The following DLGAP2 variants were observed in gnomAD, a reference collection of about 807,000 sequenced individuals.
The protein encoded by DLGAP2 is disks large-associated protein 2.
A neutral mutation model predicts 100.3 loss-of-function variants in DLGAP2; 26 were observed. The observed-to-expected ratio is 0.26, with a 90% CI of 0.19 to 0.36. The LOEUF is 0.36. DLGAP2 is among the 10% of genes least tolerant of loss of function. DLGAP2 has a pLI of 1.00. For missense variants in DLGAP2, 1,858 were observed against 1,453.2 expected, an observed-to-expected ratio of 1.28 and a Z score of -4.53; for synonymous variants, 886 against 630.1, an observed-to-expected ratio of 1.41 and a Z score of -6.08.
At chr8:1,669,642 G>A (rs945786569) in intron 9 of DLGAP2, 101 bp from the exon 10 acceptor site, 6 of 769,888 alleles carry the variant, frequency 7.8e-6, no homozygotes, top group Admixed American at 1.7e-5. Context: ...CCCGTGCGGC[G>A]CTGGTAGCTA....
intron 2 of DLGAP2, among the ~76,000 whole-genome samples, chr8:1,013,422 A>G (rs555620224): frequency 2.6e-5 from 4 of 152,202 alleles, no homozygotes; most frequent in Non-Finnish European, 5.9e-5. Context: ...AGGGAGAAAG[A>G]TGGGAGGTGC....
chr8:896,402 G>A (rs1463142062), intron 1 of DLGAP2, among the ~76,000 whole-genome samples: 1 of 150,508 alleles, frequency 6.6e-6, no homozygotes, highest in Non-Finnish European at 1.5e-5. Flanking sequence ...TGCCGGGATG[G>A]TGTGACACCA....
At chr8:1,130,106 TTAAGGGATCGTGTCAGACACTTCACGC>T (rs1563207051) in intron 2 of DLGAP2, among the ~76,000 whole-genome samples, 4 of 147,992 alleles carry the variant, frequency 2.7e-5, no homozygotes, top group Non-Finnish European at 5.9e-5. Flanking sequence ...TTCACGCGAG[TTAAGGGATCGTGTCAGACACTTCACGC>T]GAGTTATATG....
chr8:1,059,727 G>C (rs1220114178), intron 2 of DLGAP2, among the ~76,000 whole-genome samples: 3 of 152,186 alleles, frequency 2.0e-5, no homozygotes, highest in Non-Finnish European at 4.4e-5. Context: ...GGAAGGCTGA[G>C]GGGCGTGAGG....
At chr8:1,345,123 A>G (rs144418547) in intron 3 of DLGAP2, among the ~76,000 whole-genome samples, 116 of 152,362 alleles carry the variant, frequency 7.6e-4, no homozygotes, top group Non-Finnish European at 1.3e-3. Context: ...TATAAATGAC[A>G]TAATTCGGTT....
Position 1,033,713 on chromosome 8 carries a change from C to G in DLGAP2, c.73+125747C>G, listed in dbSNP as rs558373406. Among the ~76,000 whole-genome samples, 635 of 150,950 alleles carry G rather than the reference C, an allele frequency of 4.2e-3. 3 individuals are homozygous for G. Among genetic ancestry groups the G allele is most frequent in the African/African-American group, 0.015 (603 of 40,966 alleles). The stretch of plus-strand genomic sequence containing the variant: ...CGCGAGTGGATTCACACGCTCATCC[C>G]GACCCCGCGTGTCACCGCGAGTGGG... On this transcript the variant is annotated intron_variant, in intron 2 of 14. Transcript: ENST00000637795.
At chr8:1,454,416 A>G (rs556429284) in intron 3 of DLGAP2, among the ~76,000 whole-genome samples, 1 of 151,882 alleles carries the variant, frequency 6.6e-6, no homozygotes, top group Non-Finnish European at 1.5e-5. Flanking sequence ...TTTGAGGGCA[A>G]GGGTGTTCCT....
intron 3 of DLGAP2, among the ~76,000 whole-genome samples, chr8:1,267,635 A>AAAATAAAATAAAATAAAAAT (rs1563052144): frequency 8.9e-6 from 1 of 112,978 alleles, no homozygotes; most frequent in African/African-American, 3.6e-5. Context: ...AATATTAAAT[A>AAAATAAAATAAAATAAAAAT]GGTCTACAAA....
chr8:1,047,007 A>G (rs993590425), intron 2 of DLGAP2, among the ~76,000 whole-genome samples: 15 of 152,114 alleles, frequency 9.9e-5, no homozygotes, highest in Admixed American at 6.5e-4. Flanking sequence ...TTCACATACC[A>G]TAAAATTTAC....
At chr8:1,459,428 A>G (rs1434671885) in intron 3 of DLGAP2, among the ~76,000 whole-genome samples, 3 of 152,224 alleles carry the variant, frequency 2.0e-5, no homozygotes, top group South Asian at 4.1e-4. Flanking sequence ...CATGATATTC[A>G]TTATCCATAA....
intron 8 of DLGAP2, among the ~76,000 whole-genome samples, chr8:1,648,139 T>A (rs1196377027): frequency 6.6e-6 from 1 of 152,216 alleles, no homozygotes; most frequent in Non-Finnish European, 1.5e-5. Context: ...AGTGAGTGAT[T>A]TGAAAATTTA....
intron 6 of DLGAP2, among the ~76,000 whole-genome samples, chr8:1,572,167 G>C (rs1802737602): frequency 1.6e-5 from 2 of 128,910 alleles, no homozygotes; most frequent in Admixed American, 7.6e-5. Context: ...AGGGTGAACT[G>C]TGGGGGTGTC....
rs564854940 is a variant in DLGAP2 at position 1,061,284 on chromosome 8, C to G, written c.73+153318C>G. 3.3e-4 allele frequency among the ~76,000 whole-genome samples: 50 copies of G among 152,206 alleles called. 2 individuals carry two copies. In the South Asian group the frequency reaches 9.6e-3, roughly 29 times the overall value. On this transcript the variant is annotated intron_variant, in intron 2 of 14. Coordinates refer to ENST00000637795, the MANE Select transcript of DLGAP2 (RefSeq NM_001346810.2). ...GAAGATTTTATGATGAAAATATGCC[C>G]GAACACCTGCCTTACTCTCTCCAAT...
chr8:825,895 G>C (rs1470554330), intron 1 of DLGAP2, among the ~76,000 whole-genome samples: 3 of 152,116 alleles, frequency 2.0e-5, no homozygotes, highest in African/African-American at 7.2e-5. Context: ...AGAAGTTGTT[G>C]ACTGTAGTCA....
intron 1 of DLGAP2, among the ~76,000 whole-genome samples, chr8:856,550 T>G (rs1028527395): frequency 1.2e-4 from 18 of 152,208 alleles, no homozygotes; most frequent in African/African-American, 4.3e-4. Flanking sequence ...AGGGTTAATA[T>G]GCAAAGGTCA....
chr8:1,417,701 T>C lies in DLGAP2; in HGVS notation c.107-83665T>C, dbSNP rs1796963560. On this transcript the variant is annotated intron_variant, in intron 3 of 14. Coordinates refer to ENST00000637795, the MANE Select transcript of DLGAP2 (RefSeq NM_001346810.2). Reference sequence around the variant, plus strand: ...TCCAGGGGGGCACAGGGGGCCCCACTCCTGCCTCACTCGGCGAGGCTCCAG... The same window carrying C: ...TCCAGGGGGGCACAGGGGGCCCCACCCCTGCCTCACTCGGCGAGGCTCCAG... Among the ~76,000 whole-genome samples, 5 of 145,644 alleles carry C rather than the reference T, an allele frequency of 3.4e-5. 2 individuals carry two copies. The highest frequency in any genetic ancestry group is 1.4e-4 in the Admixed American group (2 of 14,762).
At chr8:1,021,058 C>T (rs1801610485) in intron 2 of DLGAP2, among the ~76,000 whole-genome samples, 1 of 152,206 alleles carries the variant, frequency 6.6e-6, no homozygotes. Flanking sequence ...ACCTGGGATG[C>T]AGACTCATGG....
intron 3 of DLGAP2, among the ~76,000 whole-genome samples, chr8:1,287,896 T>C (rs1407253935): frequency 6.8e-6 from 1 of 147,644 alleles, no homozygotes; most frequent in Admixed American, 6.7e-5. Flanking sequence ...TGTGTGTGTG[T>C]GTGTGTGTGG....
intron 2 of DLGAP2, among the ~76,000 whole-genome samples, chr8:1,180,447 C>T (rs148275772): frequency 1.1e-4 from 17 of 152,374 alleles, no homozygotes; most frequent in African/African-American, 3.8e-4. Context: ...TCCTCTGCTT[C>T]AGGCCCGTGT....
Sources: allele counts gnomAD v4.1 joint callset (sites outside exome capture counted in the v4.1 genomes callset), GRCh38; gene constraint gnomAD v4.1.1; transcripts MANE v1.5; gene names NCBI Gene and HGNC (gene_info 2026-07-23, HGNC 2026-07-21).